Variants in IQCK observed in about 807,000 individuals in gnomAD.
The protein encoded by IQCK is IQ domain-containing protein K.
In IQCK, 29 loss-of-function variants were observed where a neutral mutation model predicts 28.1. The observed-to-expected ratio is 1.03, with a 90% CI of 0.77 to 1.41. The LOEUF (loss-of-function observed/expected upper bound fraction) is 1.41. IQCK is among the 40% of genes most tolerant of loss of function. The pLI is 0.00. For synonymous variants in IQCK, 113 were observed against 115.1 expected (o/e 0.98, Z 0.12); for missense variants, 359 against 314.7 (o/e 1.14, Z -1.07).
intron 4 of IQCK, chr16:19,761,192 C>G (rs1475680484): frequency 3.0e-6 from 1 of 338,326 alleles, no homozygotes; most frequent in South Asian, 2.3e-5. Flanking sequence ...AGCCCCTATT[C>G]AAGATGGAGT....
intron 7 of IQCK, among the ~76,000 whole-genome samples, chr16:19,821,578 G>A (rs1187888143): frequency 6.6e-6 from 1 of 152,216 alleles, no homozygotes; most frequent in Non-Finnish European, 1.5e-5. Context: ...GCATGTGCCT[G>A]TAATCCCAGC....
chr16:19,767,567 G>A (rs1273090424), intron 6 of IQCK, among the ~76,000 whole-genome samples: 3 of 151,954 alleles, frequency 2.0e-5, no homozygotes, highest in Non-Finnish European at 4.4e-5. Flanking sequence ...CATCCTCTCC[G>A]TGAGCAGCTG....
intron 9 of IQCK, among the ~76,000 whole-genome samples, chr16:19,840,934 C>A (rs948593412): frequency 2.6e-5 from 4 of 152,210 alleles, no homozygotes; most frequent in African/African-American, 9.6e-5. Context: ...TGTGAGCCTG[C>A]CTTAAAGAGT....
intron 6 of IQCK, among the ~76,000 whole-genome samples, chr16:19,772,366 A>C (rs1048446715): frequency 6.6e-6 from 1 of 152,150 alleles, no homozygotes; most frequent in African/African-American, 2.4e-5. Flanking sequence ...CAATGTGTGG[A>C]TCTTAATTGG....
Position 19,733,815 on chromosome 16 carries a change from A to G in IQCK, c.364A>G (p.Asn122Asp), listed in dbSNP as rs756879415. 5 of 1,614,098 alleles carry G rather than the reference A, an allele frequency of 3.1e-6. No homozygotes were observed. In the Admixed American group the frequency reaches 8.3e-5, roughly 27 times the overall value. Residue 122 changes from asparagine (N) to aspartate (D), a missense_variant, in exon 3 of 8, where the codon AAC becomes GAC. Coordinates refer to ENST00000564186, the Ensembl canonical transcript of IQCK. ...TCCTCAAGATAAATCGGAAACAATCAACCCAAAAACATGTGAGTAAGAGAG... is the reference window on the plus strand; with the variant it reads ...TCCTCAAGATAAATCGGAAACAATCGACCCAAAAACATGTGAGTAAGAGAG...
chr16:19,755,807 T>G (rs8053136), intron 4 of IQCK, among the ~76,000 whole-genome samples: 59,592 of 152,184 alleles, frequency 0.39, 17,568 homozygotes, highest in African/African-American at 0.83. Context: ...CTCTCCCTAA[T>G]GGAGGTTTGA....
chr16:19,735,453 C>A lies in IQCK; in HGVS notation c.474+3C>A. The stretch of plus-strand genomic sequence containing the variant: ...CGAAGAAAGAAAAATGTTTTGAGGT[C>A]AGTTGTTTGGCAGGATTTCTTTATT... On this transcript the variant is annotated splice_donor_region_variant and intron_variant, in intron 4 of 7. Coordinates refer to ENST00000564186, the Ensembl canonical transcript of IQCK. 6.3e-7 allele frequency: 1 copy of A among 1,595,272 alleles called. No individual in the cohort carries two copies. The highest frequency in any genetic ancestry group is 1.1e-5 in the South Asian group (1 of 90,638).
intron 9 of IQCK, among the ~76,000 whole-genome samples, chr16:19,845,389 T>A (rs1226414429): frequency 6.6e-6 from 1 of 152,242 alleles, no homozygotes; most frequent in Non-Finnish European, 1.5e-5. Flanking sequence ...GCCTGGGATA[T>A]TTCTAAAGGT....
At chr16:19,828,912 AT>A (rs990004448), downstream of IQCK, among the ~76,000 whole-genome samples, 10 of 143,394 alleles carry the variant, frequency 7.0e-5, no homozygotes, top group East Asian at 5.9e-4. Context: ...ATTTTTATAT[AT>A]TTTTATATAT....
chr16:19,783,345 G>T (rs1365930663), intron 6 of IQCK, among the ~76,000 whole-genome samples: 1 of 152,056 alleles, frequency 6.6e-6, no homozygotes, highest in African/African-American at 2.4e-5. Context: ...GAGAAAAAAA[G>T]GAGGAGGACA....
chr16:19,804,554 C>T (rs532352978), intron 7 of IQCK, among the ~76,000 whole-genome samples: 18 of 152,114 alleles, frequency 1.2e-4, no homozygotes, highest in African/African-American at 3.9e-4. Flanking sequence ...CCTCCCAGTT[C>T]AGCCTCCCAA....
In IQCK at chr16:19,799,115, A is replaced by G. The variant is rs2055724413; in HGVS notation, c.690+10193A>G. On this transcript the variant is annotated intron_variant, in intron 7 of 7. Transcript: ENST00000564186. ...TAGAATTTTTTCTATTCATATGGAA[A>G]TTTTTAAAACATTTTTTACAAAATT... 1.8e-5 allele frequency among the ~76,000 whole-genome samples: 2 copies of G among 109,014 alleles called. 1 individual carries two copies. The highest frequency in any genetic ancestry group is 3.3e-5 in the Non-Finnish European group (2 of 61,498). The allele number at this position is 109,014 out of a possible 152,430, so 71.5% of individuals were successfully genotyped here.
At chr16:19,848,405 T>A (rs2056438049) in intron 9 of IQCK, among the ~76,000 whole-genome samples, 1 of 152,250 alleles carries the variant, frequency 6.6e-6, no homozygotes, top group South Asian at 2.1e-4. Context: ...TTCCGGAACA[T>A]CCACATTGGC....
At chr16:19,856,262 A>T (rs528938318) in intron 9 of IQCK, among the ~76,000 whole-genome samples, 9 of 152,228 alleles carry the variant, frequency 5.9e-5, no homozygotes, top group Non-Finnish European at 1.2e-4. Flanking sequence ...AAGAATGGCC[A>T]TGAACAGTCC....
chr16:19,812,849 G>T (rs553853727), intron 7 of IQCK, among the ~76,000 whole-genome samples: 8 of 152,132 alleles, frequency 5.3e-5, no homozygotes, highest in Admixed American at 1.3e-4. Context: ...AGGTAGGGGG[G>T]GAAATTCAGA....
At position 19,837,333 on chromosome 16, in the gene IQCK, C is replaced by T. The variant is rs1195481968; in HGVS notation, c.802+10196C>T. Reference sequence around the variant, plus strand: ...GGAGGATCTCTTGGTCTTGGGAGGTCGAGGCTTCAGAAAGCCATGATCACG... The same window carrying T: ...GGAGGATCTCTTGGTCTTGGGAGGTTGAGGCTTCAGAAAGCCATGATCACG... On this transcript the variant is annotated intron_variant, in intron 9 of 9. Transcript: ENST00000320394. Among the ~76,000 whole-genome samples, 9 of 151,998 alleles carry T rather than the reference C, an allele frequency of 5.9e-5. No homozygotes were observed. The East Asian group carries it at 1.7e-3, about 29-fold the overall frequency.
chr16:19,726,076 C>T (rs368042880), intron 1 of IQCK, among the ~76,000 whole-genome samples: 3 of 152,032 alleles, frequency 2.0e-5, no homozygotes, highest in Non-Finnish European at 2.9e-5. Flanking sequence ...CCACCACTCC[C>T]GGCTAAGTTT....
chr16:19,836,832 G>A (rs2056305482), intron 9 of IQCK, among the ~76,000 whole-genome samples: 2 of 152,120 alleles, frequency 1.3e-5, no homozygotes, highest in African/African-American at 4.8e-5. Context: ...GCTTTTGAAG[G>A]ATATAGATAA....
chr16:19,795,202 CA>C (rs896841210), intron 7 of IQCK, among the ~76,000 whole-genome samples: 5 of 4,918 alleles, frequency 1.0e-3, no homozygotes, highest in Admixed American at 2.3e-3. Flanking sequence ...GACTCCGACT[CA>C]AAAAAAAAAA....
Sources: allele counts gnomAD v4.1 joint callset (sites outside exome capture counted in the v4.1 genomes callset), GRCh38; gene constraint gnomAD v4.1.1; transcripts MANE v1.5; gene names NCBI Gene and HGNC (gene_info 2026-07-23, HGNC 2026-07-21).